The following NCAPD3 variants were observed in gnomAD, a reference collection of about 807,000 sequenced individuals.
The protein encoded by NCAPD3 is condensin-2 complex subunit D3.
NCAPD3 carries 105 observed loss-of-function variants against 182.9 expected under a neutral mutation model. The observed-to-expected ratio is 0.57, with a 90% CI of 0.49 to 0.68. The LOEUF is 0.68. Among genes scored for constraint, NCAPD3 ranks in the 30% least tolerant of loss-of-function variants. The pLI, the probability that NCAPD3 is intolerant of heterozygous loss-of-function variation, is 0.00. For missense variants in NCAPD3, 1,944 were observed against 1,837.0 expected (o/e 1.06, Z -1.07); for synonymous variants, 815 against 679.9 (o/e 1.20, Z -3.09).
chr11:134,205,313 A>C (rs1399381769), intron 8 of NCAPD3, among the ~76,000 whole-genome samples: 2 of 152,020 alleles, frequency 1.3e-5, no homozygotes, highest in African/African-American at 4.8e-5. Context: ...ACACAGTACC[A>C]CCTCATGGTA....
chr11:134,160,047 G>C lies in NCAPD3; in HGVS notation c.3712C>G (p.Leu1238Val). 1 of 1,614,120 alleles carries C rather than the reference G, an allele frequency of 6.2e-7. No homozygotes were observed. Among genetic ancestry groups the C allele is most frequent in the East Asian group, 2.2e-5 (1 of 44,886 alleles). Residue 1238 changes from leucine to valine, a missense_variant, in exon 29 of 35, where the codon CTC becomes GTC. Around this residue, in one of 3 missense-constraint regions of NCAPD3, gnomAD observed 1,803 missense variants for 1,674.6 expected, o/e 1.08. Transcript: ENST00000534548. ...TTGTCAACTGCAAAGAAGTCCTTGA[G>C]CTCATCTCGGTAATCCTGCATCACC... ...REVMQDYRDE[L>V]KDFFAVDKQL... is the part of the protein sequence containing the mutation.
chr11:134,159,570 C>T (rs1002141613), intron 29 of NCAPD3, among the ~76,000 whole-genome samples: 7 of 152,214 alleles, frequency 4.6e-5, no homozygotes, highest in Admixed American at 6.5e-5. Flanking sequence ...GGCCGTGTGC[C>T]GGTCTGCTCT....
At chr11:134,155,650 T>C (rs1415978214) in intron 32 of NCAPD3, among the ~76,000 whole-genome samples, 1 of 152,158 alleles carries the variant, frequency 6.6e-6, no homozygotes, top group Non-Finnish European at 1.5e-5. Context: ...GGACTCAGGA[T>C]GAGCACAACG....
intron 3 of NCAPD3, among the ~76,000 whole-genome samples, chr11:134,216,045 C>A (rs1428931795): frequency 6.6e-6 from 1 of 152,138 alleles, no homozygotes; most frequent in Non-Finnish European, 1.5e-5. Flanking sequence ...CTGCATCTGG[C>A]AAGAGGAGAG....
rs142950422 is a variant in NCAPD3 at position 134,184,167 on chromosome 11, C to T, written c.2451+470G>A. On this transcript the variant is annotated intron_variant, in intron 19 of 34. Coordinates refer to ENST00000534548, the MANE Select transcript of NCAPD3 (RefSeq NM_015261.3). ...TGGGCTATAGGCAACTGTGGGGACA[C>T]GATACCAACAAGAGATATTTGAGTA... 4.3e-3 allele frequency among the ~76,000 whole-genome samples: 649 copies of T among 152,262 alleles called. 4 individuals are homozygous for T. Among genetic ancestry groups the T allele is most frequent in the African/African-American group, 0.015 (613 of 41,536 alleles).
chr11:134,184,698 G>A lies in NCAPD3; in HGVS notation c.2390C>T (p.Ser797Leu). The change falls in exon 19 of 35, where the codon TCA becomes TTA. Residue 797 changes from serine to leucine, a missense_variant. By Grantham distance (145) the Ser-to-Leu change is moderately radical. Transcript: ENST00000534548. ...AAGCCTCTGCAAGGCGTCAACAGCTGAACTGATCACCTCTAGAGACCACTG... is the reference window on the plus strand; with the variant it reads ...AAGCCTCTGCAAGGCGTCAACAGCTAAACTGATCACCTCTAGAGACCACTG... ...GFQWSLEVIS[S>L]AVDALQRLCR... 1.9e-6 allele frequency: 3 copies of A among 1,614,000 alleles called. No homozygotes were observed. The highest frequency in any genetic ancestry group is 2.5e-6 in the Non-Finnish European group (3 of 1,179,976).
chr11:134,203,235 G>C (rs1468864905), intron 11 of NCAPD3, 37 bp from the exon 12 acceptor site: 2 of 1,440,450 alleles, frequency 1.4e-6, no homozygotes. Flanking sequence ...GAAGAAGTCA[G>C]TATCATAAAC....
At chr11:134,208,765 G>C in intron 7 of NCAPD3, 99 bp downstream of exon 7, 1 of 760,152 alleles carries the variant, frequency 1.3e-6, no homozygotes, top group Non-Finnish European at 2.2e-6. Flanking sequence ...CTAGTAAATT[G>C]AAATGGCATT....
intron 1 of NCAPD3, chr11:134,223,041 T>TCG: frequency 8.9e-6 from 2 of 223,492 alleles, no homozygotes; most frequent in Non-Finnish European, 1.8e-5. Context: ...TCCAAGTGTG[T>TCG]CCGACTCCAA....
chr11:134,162,052 G>A (rs1258454693), intron 27 of NCAPD3, among the ~76,000 whole-genome samples, 161 bp from the exon 28 acceptor site: 2 of 152,084 alleles, frequency 1.3e-5, no homozygotes, highest in South Asian at 2.1e-4. Flanking sequence ...CTTTTCTCTG[G>A]GAGACTTTGT....
chr11:134,201,849 T>G (rs1944756063), intron 13 of NCAPD3, among the ~76,000 whole-genome samples: 1 of 152,258 alleles, frequency 6.6e-6, no homozygotes, highest in Admixed American at 6.5e-5. Context: ...AATGTAGTTA[T>G]CGCTCTGAAT....
Position 134,167,599 on chromosome 11 carries a change from C to T in NCAPD3, c.3573+397G>A, listed in dbSNP as rs556174028. On this transcript the variant is annotated intron_variant, in intron 27 of 34. Coordinates refer to ENST00000534548, the MANE Select transcript of NCAPD3 (RefSeq NM_015261.3). ...GAGATGAGCTTGGGGGAGGGGCACA[C>T]TCACTAGTGAGATGAGCTTGGGGGA... Among the ~76,000 whole-genome samples, 394 of 114,296 alleles carry T rather than the reference C, an allele frequency of 3.4e-3. 1 individual carries two copies. The highest frequency in any genetic ancestry group is 0.014 in the African/African-American group (366 of 25,836). The allele number at this position is 114,296 out of a possible 152,430, so 75.0% of individuals were successfully genotyped here.
chr11:134,166,777 G>A (rs1189742607), intron 27 of NCAPD3, among the ~76,000 whole-genome samples: 6 of 127,238 alleles, frequency 4.7e-5, no homozygotes, highest in African/African-American at 1.2e-4. Context: ...TGAGCTTGGG[G>A]GAGGCGCACA....
At chr11:134,210,092 G>A (rs1358411811) in intron 4 of NCAPD3, among the ~76,000 whole-genome samples, 178 bp downstream of exon 4, 1 of 152,082 alleles carries the variant, frequency 6.6e-6, no homozygotes, top group Non-Finnish European at 1.5e-5. Context: ...AAGAAAGTAA[G>A]AAAGAAAGAA....
In NCAPD3 at chr11:134,152,110, G is replaced by C. The variant is rs1000042481; in HGVS notation, c.*834C>G. ...TATTGTTGAACAAAAATAGCATTCA[G>C]TTTACCCACTAGTGCTAACAGAAGA... is the stretch of plus-strand genomic sequence containing the variant. On this transcript the variant is annotated 3_prime_UTR_variant, in exon 35 of 35. Coordinates refer to ENST00000534548, the MANE Select transcript of NCAPD3 (RefSeq NM_015261.3). 6.6e-6 allele frequency: 1 copy of C among 152,266 alleles called. No homozygotes were observed. Among genetic ancestry groups the C allele is most frequent in the Non-Finnish European group, 1.5e-5 (1 of 68,046 alleles). 9.4% of individuals were successfully genotyped at this position (152,266 alleles called of 1,614,324 possible). A position where few individuals can be genotyped will look rare whatever the true frequency, so the allele number is the denominator to read the frequency against.
intron 24 of NCAPD3, chr11:134,173,365 G>C (rs1944066025): frequency 6.5e-6 from 1 of 154,282 alleles, no homozygotes; most frequent in Non-Finnish European, 1.5e-5. Context: ...GTGCTGCTGA[G>C]TGAGGCTGAT....
chr11:134,158,005 C>T lies in NCAPD3; in HGVS notation c.4097G>A (p.Ser1366Asn), dbSNP rs1001407971. 1.9e-6 allele frequency: 3 copies of T among 1,614,202 alleles called. No homozygotes were observed. Among genetic ancestry groups the T allele is most frequent in the African/African-American group, 2.7e-5 (2 of 75,056 alleles). The part of the protein sequence containing the change: ...NSVKKAVESK[S>N]RHRSRSLGVL... Reference sequence around the variant, plus strand: ...TCCTAAGCTCCGACTCCGATGCCTGCTCTTTGACTCCACGGCTTTCTTGAC... The same window carrying T: ...TCCTAAGCTCCGACTCCGATGCCTGTTCTTTGACTCCACGGCTTTCTTGAC... Residue 1366 changes from serine (S) to asparagine (N), a missense_variant, in exon 31 of 35, where the codon AGC (serine) becomes AAC (asparagine). Ser to Asn is a conservative substitution (Grantham distance 46). Transcript: ENST00000534548.
At position 134,170,241 on chromosome 11, in the gene NCAPD3, A is replaced by C. The variant is rs866149309; in HGVS notation, c.3102-1187T>G. ...AGAAATATGAAAACAAAATAAATAA[A>C]ACTCTATTCAATAACGAGAATTCCT... On this transcript the variant is annotated intron_variant, in intron 24 of 34. Coordinates refer to ENST00000534548, the MANE Select transcript of NCAPD3 (RefSeq NM_015261.3). Among the ~76,000 whole-genome samples, 10 of 152,290 alleles carry C rather than the reference A, an allele frequency of 6.6e-5. No homozygotes were observed. In the Middle Eastern group the frequency reaches 0.017, roughly 259 times the overall value.
Position 134,168,916 on chromosome 11 carries a change from CCTCT to C in NCAPD3, c.3236_3239del (p.Glu1081SerfsTer6), listed in dbSNP as rs1402391442. ...AGACCAGACTTAGCTGCTTCACTGACCTCTCTGACTGGGGGAACTTGTTGTACTT... is the reference window on the plus strand; with the variant it reads ...AGACCAGACTTAGCTGCTTCACTGACCTGACTGGGGGAACTTGTTGTACTT... On this transcript the variant is annotated frameshift_variant and splice_region_variant, in exon 25 of 35. Transcript: ENST00000534548. LOFTEE classifies it high-confidence loss of function. 4 of 1,612,140 alleles carry C rather than the reference CCTCT, an allele frequency of 2.5e-6. No individual in the cohort carries two copies. Among genetic ancestry groups the C allele is most frequent in the Non-Finnish European group, 3.4e-6 (4 of 1,178,996 alleles).
Sources: allele counts gnomAD v4.1 joint callset (sites outside exome capture counted in the v4.1 genomes callset), GRCh38; gene constraint gnomAD v4.1.1; regional missense constraint gnomAD v4.1.1; transcripts MANE v1.5; gene names NCBI Gene and HGNC (gene_info 2026-07-23, HGNC 2026-07-21).